The following EOGT variants were observed in gnomAD, a reference collection of about 807,000 sequenced individuals.
The protein encoded by EOGT is EGF domain-specific O-linked N-acetylglucosamine transferase.
EOGT carries 55 observed loss-of-function variants against 70.5 expected under a neutral mutation model. That is an observed-to-expected ratio of 0.78 (90% CI 0.63 to 0.98). The LOEUF (loss-of-function observed/expected upper bound fraction) is 0.98. Among genes scored for constraint, EOGT ranks in the 50% least tolerant of loss-of-function variants. The pLI is 0.00. For missense variants in EOGT, 703 were observed against 641.9 expected (o/e 1.10, Z -1.03); for synonymous variants, 246 against 217.1 (o/e 1.13, Z -1.17).
intron 8 of EOGT, 92 bp from the exon 9 acceptor site, chr3:69,001,806 T>A (rs1320346389): frequency 1.2e-6 from 1 of 840,698 alleles, no homozygotes; most frequent in African/African-American, 1.7e-5. Context: ...TTAGGCAGAT[T>A]TTACCTCTAA....
At chr3:69,008,120 T>C (rs1559615946) in intron 5 of EOGT, among the ~76,000 whole-genome samples, 1 of 152,226 alleles carries the variant, frequency 6.6e-6, no homozygotes, top group Non-Finnish European at 1.5e-5. Flanking sequence ...ATTGCATGTA[T>C]TGGAAGTACT....
At chr3:68,985,561 G>A (rs1472346020) in intron 14 of EOGT, among the ~76,000 whole-genome samples, 1 of 151,980 alleles carries the variant, frequency 6.6e-6, no homozygotes, top group Non-Finnish European at 1.5e-5. Flanking sequence ...ACCTTTCCTG[G>A]CCTTCTCTAA....
chr3:68,996,799 T>A (rs1014895504), intron 10 of EOGT, among the ~76,000 whole-genome samples: 1 of 152,218 alleles, frequency 6.6e-6, no homozygotes, highest in African/African-American at 2.4e-5. Context: ...ATGAGTGTCG[T>A]GAGTCAGAAT....
Position 68,988,542 on chromosome 3 carries a change from G to A in EOGT, c.960C>T (p.Pro320=), listed in dbSNP as rs761254675. 1 of 1,533,170 alleles carries A rather than the reference G, an allele frequency of 6.5e-7. No homozygotes were observed. Among genetic ancestry groups the A allele is most frequent in the Admixed American group, 2.0e-5 (1 of 50,556 alleles). The allele number at this position is 1,533,170 out of a possible 1,614,324, so 95.0% of individuals were successfully genotyped here. Residue 320 remains proline, a synonymous_variant, in exon 12 of 18, where the codon CCC becomes CCT. Transcript: ENST00000383701. ...TATAGAACAGCCCATACCTCATGCG[G>A]GGGAGTAATGAAAAAACAGCTTCTT... The part of the protein sequence containing the change: ...CFKEAVFSLL[P]RMRYGLFYNT...
chr3:68,977,436 G>C lies in EOGT; in HGVS notation c.*182C>G, dbSNP rs142416013. The C allele has an allele frequency of 1.4e-4, 78 of 571,926 alleles. No individual in the cohort carries two copies. Among genetic ancestry groups the C allele is most frequent in the African/African-American group, 1.2e-3 (63 of 50,766 alleles). 35.4% of individuals were successfully genotyped at this position (571,926 alleles called of 1,614,324 possible). A position where few individuals can be genotyped will look rare whatever the true frequency, so the allele number is the denominator to read the frequency against. On this transcript the variant is annotated 3_prime_UTR_variant, in exon 18 of 18. Coordinates refer to ENST00000383701, the MANE Select transcript of EOGT (RefSeq NM_001278689.2). ...ATTATTGCTATTGATAAATAGCAAT[G>C]ACACAAAAACCACATGAAACACTTA... is the stretch of plus-strand genomic sequence containing the variant.
At chr3:68,983,297 T>C (rs1575714480) in intron 14 of EOGT, among the ~76,000 whole-genome samples, 1 of 152,234 alleles carries the variant, frequency 6.6e-6, no homozygotes, top group Admixed American at 6.5e-5. Flanking sequence ...TTAAGAGTTT[T>C]TGCCCCATCC....
In EOGT at chr3:69,007,729, C is replaced by T. The variant is rs1247059195; in HGVS notation, c.404G>A (p.Cys135Tyr). 6.2e-7 allele frequency: 1 copy of T among 1,608,480 alleles called. No individual in the cohort carries two copies. Among genetic ancestry groups the T allele is most frequent in the Non-Finnish European group, 8.5e-7 (1 of 1,176,346 alleles). Residue 135 changes from cysteine (C) to tyrosine (Y), a missense_variant, in exon 6 of 18, where the codon TGT becomes TAT. Physicochemically the swap from Cys to Tyr is radical, Grantham distance 194. Transcript: ENST00000383701. ...RERLEEMHVL[C>Y]QPKETSDSSL... ...AATACCCACCGTTTCCTTAGGCTGA[C>T]AGAGCACATGCATCTCCTCCAGCCT...
chr3:68,987,610 C>T, intron 13 of EOGT, 97 bp from the exon 14 acceptor site: 1 of 882,984 alleles, frequency 1.1e-6, no homozygotes, highest in South Asian at 1.5e-5. Context: ...AGAGATGAAA[C>T]TCAACCAGGA....
intron 15 of EOGT, 110 bp from the exon 16 acceptor site, chr3:68,979,897 T>A: frequency 9.8e-7 from 1 of 1,022,206 alleles, no homozygotes; most frequent in Non-Finnish European, 1.4e-6. Context: ...TTGCCCATTT[T>A]AAACCACATT....
intron 8 of EOGT, among the ~76,000 whole-genome samples, chr3:69,002,743 C>T (rs939206969): frequency 2.6e-5 from 4 of 152,096 alleles, no homozygotes; most frequent in Admixed American, 2.0e-4. Context: ...CAGCCTCGAC[C>T]TCCTGAGCTC....
Position 68,988,351 on chromosome 3 carries a change from TG to T in EOGT, c.1026del (p.Phe342LeufsTer12). On this transcript the variant is annotated frameshift_variant, in exon 13 of 18. Transcript: ENST00000383701. LOFTEE classifies it high-confidence loss of function. The part of the protein sequence containing the change: ...LISGCQNTGL[F>X]RAFAQHVLHR... ...TGTAGTACATGCTGGGCAAATGCCC[TG>T]AATAGTCCAGTATTTTGACAGCCAG... 1 of 1,536,054 alleles carries T rather than the reference TG, an allele frequency of 6.5e-7. No individual in the cohort carries two copies.
intron 14 of EOGT, among the ~76,000 whole-genome samples, chr3:68,985,861 G>A (rs2090790913): frequency 6.6e-6 from 1 of 152,238 alleles, no homozygotes; most frequent in African/African-American, 2.4e-5. Flanking sequence ...CAGGATGGGA[G>A]CCTGACGTGG....
At chr3:68,985,350 T>A (rs141992617) in intron 14 of EOGT, among the ~76,000 whole-genome samples, 1 of 152,296 alleles carries the variant, frequency 6.6e-6, no homozygotes, top group East Asian at 1.9e-4. Flanking sequence ...CTGTAATCCA[T>A]ATGGGTCTCA....
In EOGT at chr3:68,985,129, C is replaced by T. The variant is rs1424521507; in HGVS notation, c.1153-2257G>A. On this transcript the variant is annotated intron_variant, in intron 14 of 17. Transcript: ENST00000383701. ...GAGCACACAATAATATGCTTGACCCCCAACTGCACTCAATATGTATGGTCT... is the reference window on the plus strand; with the variant it reads ...GAGCACACAATAATATGCTTGACCCTCAACTGCACTCAATATGTATGGTCT... Among the ~76,000 whole-genome samples the T allele has an allele frequency of 2.0e-5, 3 of 152,174 alleles. No homozygotes were observed. The East Asian group carries it at 5.8e-4, about 29-fold the overall frequency.
At chr3:68,996,304 A>G (rs1265758617) in intron 10 of EOGT, among the ~76,000 whole-genome samples, 1 of 152,192 alleles carries the variant, frequency 6.6e-6, no homozygotes, top group Non-Finnish European at 1.5e-5. Context: ...CTCTACTACA[A>G]GCCTCTTATC....
chr3:68,996,728 C>T (rs2091159004), intron 10 of EOGT, among the ~76,000 whole-genome samples: 1 of 152,218 alleles, frequency 6.6e-6, no homozygotes, highest in African/African-American at 2.4e-5. Flanking sequence ...GCTGCCCTGC[C>T]AGCAAGCTGT....
intron 15 of EOGT, among the ~76,000 whole-genome samples, chr3:68,980,354 A>T (rs2090602998): frequency 6.6e-6 from 1 of 152,178 alleles, no homozygotes; most frequent in African/African-American, 2.4e-5. Context: ...CTCAGATACC[A>T]CCAGGGCATT....
chr3:68,982,413 G>T (rs1396053553), intron 15 of EOGT, among the ~76,000 whole-genome samples: 1 of 152,068 alleles, frequency 6.6e-6, no homozygotes, highest in Non-Finnish European at 1.5e-5. Flanking sequence ...CCAGCTACTC[G>T]GGAGGCAGAG....
intron 10 of EOGT, among the ~76,000 whole-genome samples, chr3:68,995,401 C>T (rs1168436039): frequency 6.6e-6 from 1 of 152,158 alleles, no homozygotes; most frequent in Non-Finnish European, 1.5e-5. Flanking sequence ...AATGGATGCA[C>T]ATGGAGTGGC....
Sources: allele counts gnomAD v4.1 joint callset (sites outside exome capture counted in the v4.1 genomes callset), GRCh38; gene constraint gnomAD v4.1.1; transcripts MANE v1.5; gene names NCBI Gene and HGNC (gene_info 2026-07-23, HGNC 2026-07-21).